APOLD1: variants seen among roughly 807,000 people sequenced by gnomAD.
APOLD1 encodes the protein apolipoprotein L domain-containing protein 1.
APOLD1 carries 22 observed loss-of-function variants against 15.3 expected under a neutral mutation model. The observed-to-expected ratio is 1.44, with a 90% CI of 1.03 to 2.05. The LOEUF (loss-of-function observed/expected upper bound fraction) is 2.05. Among genes scored for constraint, APOLD1 ranks in the 30% most tolerant of loss-of-function variants. The pLI, the probability that APOLD1 is intolerant of heterozygous loss-of-function variation, is 0.00. For missense variants in APOLD1, 394 were observed against 353.5 expected (o/e 1.11, Z -0.92); for synonymous variants, 190 against 167.4 (o/e 1.13, Z -1.04).
intron 1 of APOLD1, among the ~76,000 whole-genome samples, chr12:12,761,250 T>TG (rs1272503728): frequency 6.6e-6 from 1 of 152,218 alleles, no homozygotes; most frequent in African/African-American, 2.4e-5. Context: ...GATTGAAGGA[T>TG]TATGTTGTCT....
At chr12:12,778,087 G>T (rs1255533340) in intron 1 of APOLD1, among the ~76,000 whole-genome samples, 1 of 151,566 alleles carries the variant, frequency 6.6e-6, no homozygotes, top group Non-Finnish European at 1.5e-5. Context: ...ACCACACCTG[G>T]CTATTTTTTT....
chr12:12,777,177 T>A (rs1300019113), intron 1 of APOLD1, among the ~76,000 whole-genome samples: 1 of 152,170 alleles, frequency 6.6e-6, no homozygotes, highest in Non-Finnish European at 1.5e-5. Context: ...GAAGGTCAAG[T>A]TCTTTTACCA....
chr12:12,775,885 T>C (rs1367073907), intron 1 of APOLD1, among the ~76,000 whole-genome samples: 1 of 150,596 alleles, frequency 6.6e-6, no homozygotes, highest in Non-Finnish European at 1.5e-5. Context: ...GCACCTGCAG[T>C]CCCAGCTACC....
At chr12:12,735,709 G>A (rs1946679346) in intron 1 of APOLD1, among the ~76,000 whole-genome samples, 1 of 152,124 alleles carries the variant, frequency 6.6e-6, no homozygotes, top group African/African-American at 2.4e-5. Flanking sequence ...TGCTTGGGAG[G>A]CCGAAGAGGA....
intron 1 of APOLD1, among the ~76,000 whole-genome samples, chr12:12,767,339 AAC>A (rs1946949854): frequency 6.6e-6 from 1 of 152,100 alleles, no homozygotes; most frequent in Non-Finnish European, 1.5e-5. Flanking sequence ...AAAAATTAAA[AAC>A]AACCGTACAA....
chr12:12,742,208 G>T (rs1946733579), intron 1 of APOLD1, among the ~76,000 whole-genome samples: 1 of 152,058 alleles, frequency 6.6e-6, no homozygotes, highest in South Asian at 2.1e-4. Context: ...AAAATTACGA[G>T]GTTGCTTTGG....
intron 1 of APOLD1, among the ~76,000 whole-genome samples, chr12:12,768,606 C>T (rs1349778780): frequency 1.3e-5 from 2 of 151,798 alleles, no homozygotes; most frequent in African/African-American, 4.8e-5. Context: ...AAGCGCTAAT[C>T]ACGCCACTGC....
In APOLD1 at chr12:12,751,313, C is replaced by G. The variant is rs556907716; in HGVS notation, c.96+25217C>G. 1.1e-4 allele frequency among the ~76,000 whole-genome samples: 17 copies of G among 152,106 alleles called. No individual in the cohort carries two copies. The East Asian group carries it at 1.4e-3, about 12-fold the overall frequency. On this transcript the variant is annotated intron_variant, in intron 1 of 1. Transcript: ENST00000326765. ...ATAGGCTGAATGGTTAAACCAATGTCTTAAGAGAAAAAACATCGAGAGAAT... is the reference window on the plus strand; with the variant it reads ...ATAGGCTGAATGGTTAAACCAATGTGTTAAGAGAAAAAACATCGAGAGAAT...
At chr12:12,785,074 A>G (rs1022510330), upstream of APOLD1, among the ~76,000 whole-genome samples, 11 of 152,168 alleles carry the variant, frequency 7.2e-5, no homozygotes, top group African/African-American at 2.4e-4. Flanking sequence ...TCTTCTCCAC[A>G]GCTGGAGATG....
chr12:12,749,570 T>C (rs570170478), intron 1 of APOLD1, among the ~76,000 whole-genome samples: 35 of 152,328 alleles, frequency 2.3e-4, no homozygotes, highest in Admixed American at 2.2e-3. Context: ...GGTTGCTTTT[T>C]GCAGCCAATT....
At chr12:12,757,937 CT>C (rs144139766) in intron 1 of APOLD1, among the ~76,000 whole-genome samples, 5,446 of 121,380 alleles carry the variant, frequency 0.045, 94 homozygotes, top group East Asian at 0.14. Context: ...AATTCAATAT[CT>C]TTTTTTTTTT....
chr12:12,748,951 G>A (rs2136378479), intron 1 of APOLD1, among the ~76,000 whole-genome samples: 1 of 152,150 alleles, frequency 6.6e-6, no homozygotes, highest in East Asian at 1.9e-4. Flanking sequence ...CTCTGAGACA[G>A]GAGAAAGTAC....
At chr12:12,748,223 C>T (rs745470046) in intron 1 of APOLD1, among the ~76,000 whole-genome samples, 1 of 152,138 alleles carries the variant, frequency 6.6e-6, no homozygotes, top group Non-Finnish European at 1.5e-5. Flanking sequence ...TCTCTATGGA[C>T]CACGGAGCAT....
Position 12,787,130 on chromosome 12 carries a change from G to C in APOLD1, c.225G>C (p.Ser75=), listed in dbSNP as rs780952904. ...TGALAAIVGL[S]LSPVTLGTSL... is the part of the protein sequence containing the mutation. ...CCCTCGCCGCCATCGTGGGGCTCTC[G>C]CTCAGCCCGGTCACCCTGGGGACCT... Residue 75 remains serine, a synonymous_variant, in exon 2 of 2, where the codon TCG becomes TCC. Transcript: ENST00000356591. The surrounding 1 kb of genome is among the most constrained non-coding windows in gnomAD (Gnocchi z 4.9). The C allele has an allele frequency of 4.1e-6, 6 of 1,476,624 alleles. No individual in the cohort carries two copies. The South Asian group carries it at 8.2e-5, about 20-fold the overall frequency. The allele number at this position is 1,476,624 out of a possible 1,614,324, so 91.5% of individuals were successfully genotyped here.
chr12:12,758,477 G>A lies in APOLD1; in HGVS notation c.97-28432G>A, dbSNP rs146351212. ...AGAGAATCGCTTGAACCTGGGAGGC[G>A]GAGGTTGCAGTGAGCCAAGATTGCA... On this transcript the variant is annotated intron_variant, in intron 1 of 1. Coordinates refer to the APOLD1 transcript ENST00000326765. Among the ~76,000 whole-genome samples the A allele has an allele frequency of 1.2e-3, 181 of 152,058 alleles. 1 individual carries two copies. Among genetic ancestry groups the A allele is most frequent in the African/African-American group, 4.0e-3 (166 of 41,500 alleles).
chr12:12,772,977 G>C (rs1260255252), intron 1 of APOLD1, among the ~76,000 whole-genome samples: 3 of 152,222 alleles, frequency 2.0e-5, no homozygotes, highest in East Asian at 1.9e-4. Flanking sequence ...TACTCGAGAG[G>C]CTGAGGTGGG....
At chr12:12,731,254 T>A (rs1656381180) in intron 1 of APOLD1, among the ~76,000 whole-genome samples, 1 of 152,250 alleles carries the variant, frequency 6.6e-6, no homozygotes, top group Admixed American at 6.5e-5. Flanking sequence ...TCAATATGTC[T>A]TATTATTTTT....
chr12:12,726,391 A>C, intron 1 of APOLD1: 1 of 495,422 alleles, frequency 2.0e-6, no homozygotes, highest in Non-Finnish European at 3.8e-6. Flanking sequence ...AATTCTTTTG[A>C]TAAAGCGTGT....
intron 1 of APOLD1, among the ~76,000 whole-genome samples, chr12:12,740,118 A>C (rs11055035): frequency 0.25 from 37,826 of 151,784 alleles, 5,047 homozygotes; most frequent in Admixed American, 0.34. Context: ...AGTAGTTGGG[A>C]CTACAGGTGC....
Sources: gnomAD v4.1 joint callset for allele counts (sites outside exome capture counted in the v4.1 genomes callset) on GRCh38, gnomAD v4.1.1 for gene constraint, Gnocchi (gnomAD v3.1) non-coding constraint, MANE v1.5 for transcripts, NCBI Gene and HGNC (gene_info 2026-07-23, HGNC 2026-07-21) for gene names.